CNST: variants seen among roughly 807,000 people sequenced by gnomAD.
CNST encodes consortin.
A neutral mutation model predicts 72.4 loss-of-function variants in CNST; 39 were observed. The ratio of observed to expected loss-of-function variants is 0.54; its 90% CI spans 0.42 to 0.70. CNST has a LOEUF of 0.70. Ranked by LOEUF, CNST falls within the 30% of genes least tolerant of loss-of-function variation. CNST has a pLI of 0.00. For missense variants in CNST, 871 were observed against 868.5 expected (o/e 1.00, Z -0.04); for synonymous variants, 332 against 320.1 (o/e 1.04, Z -0.40).
chr1:246,592,133 A>G (rs916988699), intron 2 of CNST, among the ~76,000 whole-genome samples, 192 bp downstream of exon 2: 4 of 152,136 alleles, frequency 2.6e-5, no homozygotes, highest in African/African-American at 9.7e-5. Flanking sequence ...GTTCCACCGT[A>G]TGGGTGTAAC....
At chr1:246,640,001 G>A (rs1665578177) in intron 6 of CNST, among the ~76,000 whole-genome samples, 1 of 152,166 alleles carries the variant, frequency 6.6e-6, no homozygotes, top group Non-Finnish European at 1.5e-5. Context: ...TTGCTGATGT[G>A]CACTTGTCGC....
intron 2 of CNST, among the ~76,000 whole-genome samples, chr1:246,614,638 A>C (rs1402311426): frequency 6.6e-6 from 1 of 151,818 alleles, no homozygotes; most frequent in Non-Finnish European, 1.5e-5. Flanking sequence ...CGCCCAGCTA[A>C]TTTTTGTATT....
intron 6 of CNST, among the ~76,000 whole-genome samples, chr1:246,636,469 A>C (rs1665251959): frequency 6.6e-6 from 1 of 152,168 alleles, no homozygotes; most frequent in Non-Finnish European, 1.5e-5. Flanking sequence ...ATTCGTGGTA[A>C]GCGCGATGCC....
chr1:246,615,471 G>T (rs373308967), intron 2 of CNST, among the ~76,000 whole-genome samples: 1 of 151,254 alleles, frequency 6.6e-6, no homozygotes, highest in East Asian at 2.0e-4. Context: ...CACTGTGCCC[G>T]GCCACAAATA....
At chr1:246,652,837 T>C (rs1173529087) in intron 9 of CNST, among the ~76,000 whole-genome samples, 2 of 150,350 alleles carry the variant, frequency 1.3e-5, no homozygotes, top group Non-Finnish European at 3.0e-5. Flanking sequence ...ACCCCGTCTC[T>C]ACTAAAAATA....
intron 9 of CNST, 165 bp downstream of exon 9, chr1:246,648,202 A>G (rs891842718): frequency 2.1e-6 from 3 of 1,403,866 alleles, no homozygotes; most frequent in Admixed American, 6.1e-5. Flanking sequence ...ATTTGTATGT[A>G]TTGAATAAAA....
chr1:246,592,572 C>T (rs1293191710), intron 2 of CNST, among the ~76,000 whole-genome samples: 2 of 152,218 alleles, frequency 1.3e-5, no homozygotes, highest in African/African-American at 4.8e-5. Flanking sequence ...GCAGCCTCCT[C>T]TCCCTCCTTT....
At position 246,621,478 on chromosome 1, in the gene CNST, C is replaced by T. The variant is rs144280030; in HGVS notation, c.429C>T (p.Ser143=). 108 of 1,613,988 alleles carry T rather than the reference C, an allele frequency of 6.7e-5. 2 individuals are homozygous for T. Among genetic ancestry groups the T allele is most frequent in the South Asian group, 5.3e-4 (48 of 91,092 alleles). ...CTTTAATGCAAGAAAAAGTACTAAG[C>T]GCAGTCACATATGCTGTTGATGATG... ...IAPLMQEKVL[S]AVTYAVDDEE... Residue 143 remains serine, a synonymous_variant, in exon 3 of 11, where the codon AGC becomes AGT. Transcript: ENST00000366513.
chr1:246,597,331 G>A (rs1661956754), intron 2 of CNST, among the ~76,000 whole-genome samples: 1 of 152,148 alleles, frequency 6.6e-6, no homozygotes, highest in Non-Finnish European at 1.5e-5. Context: ...TTTAATTCCA[G>A]AACATTTTAT....
chr1:246,647,986 T>C lies in CNST; in HGVS notation c.1785T>C (p.Asp595=), dbSNP rs1371273084. ...GTCTCCAGGAGAATCTGCCTTCTGA[T>C]GAGAGCTGTCTTTCTCTTGATGATC... The part of the protein sequence containing the change: ...SYSLQENLPS[D]ESCLSLDDLA... The change falls in exon 9 of 11, where the codon GAT becomes GAC. Residue 595 remains aspartate, a synonymous_variant. Transcript: ENST00000366513. 3.1e-6 allele frequency: 5 copies of C among 1,613,658 alleles called. No homozygotes were observed. In the East Asian group the frequency reaches 8.9e-5, roughly 29 times the overall value.
intron 8 of CNST, among the ~76,000 whole-genome samples, chr1:246,645,480 T>C (rs952325993): frequency 2.8e-5 from 4 of 141,628 alleles, no homozygotes; most frequent in Non-Finnish European, 6.0e-5. Flanking sequence ...CAGGCTGGAG[T>C]GCAGTGGCGC....
In CNST at chr1:246,619,876, G is replaced by A. The variant is rs552702151; in HGVS notation, c.380-1553G>A. On this transcript the variant is annotated intron_variant, in intron 2 of 10. Coordinates refer to ENST00000366513, the MANE Select transcript of CNST (RefSeq NM_152609.3). Reference sequence around the variant, plus strand: ...TGGTGCATACACACGATGGGCTCTGGGCACACTCTACAGGGAGGACGGCTT... The same window carrying A: ...TGGTGCATACACACGATGGGCTCTGAGCACACTCTACAGGGAGGACGGCTT... Among the ~76,000 whole-genome samples, 437 of 149,868 alleles carry A rather than the reference G, an allele frequency of 2.9e-3. 4 individuals are homozygous for A. The highest frequency in any genetic ancestry group is 0.01 in the African/African-American group (410 of 40,678).
Position 246,621,529 on chromosome 1 carries a change from T to C in CNST, c.480T>C (p.Asn160=). ...DDEEAAEVNA[N]EQPEAPKLVL... is the part of the protein sequence containing the mutation. Reference sequence around the variant, plus strand: ...AAGAAGCTGCTGAAGTAAATGCTAATGAGCAGCCAGAGGCGCCAAAGCTTG... The same window carrying C: ...AAGAAGCTGCTGAAGTAAATGCTAACGAGCAGCCAGAGGCGCCAAAGCTTG... Residue 160 remains asparagine (N), a synonymous_variant, in exon 3 of 11, where the codon AAT becomes AAC. Transcript: ENST00000366513. 1 of 1,614,228 alleles carries C rather than the reference T, an allele frequency of 6.2e-7. No individual in the cohort carries two copies. Among genetic ancestry groups the C allele is most frequent in the South Asian group, 1.1e-5 (1 of 91,088 alleles).
chr1:246,621,532 G>A lies in CNST; in HGVS notation c.483G>A (p.Glu161=), dbSNP rs1474371728. The change falls in exon 3 of 11, where the codon GAG becomes GAA. Residue 161 remains glutamate, a synonymous_variant. Transcript: ENST00000366513. ...AAGCTGCTGAAGTAAATGCTAATGA[G>A]CAGCCAGAGGCGCCAAAGCTTGTTC... ...DEEAAEVNAN[E]QPEAPKLVLQ... is the part of the protein sequence containing the mutation. 1 of 1,614,134 alleles carries A rather than the reference G, an allele frequency of 6.2e-7. No homozygotes were observed. Among genetic ancestry groups the A allele is most frequent in the East Asian group, 2.2e-5 (1 of 44,880 alleles).
At chr1:246,583,400 C>T (rs1279133767) in intron 1 of CNST, among the ~76,000 whole-genome samples, 1 of 152,218 alleles carries the variant, frequency 6.6e-6, no homozygotes, top group East Asian at 1.9e-4. Context: ...TGATCACATT[C>T]TTCTTTGTAG....
At chr1:246,625,996 T>C (rs1462284095) in intron 3 of CNST, among the ~76,000 whole-genome samples, 2 of 152,146 alleles carry the variant, frequency 1.3e-5, no homozygotes, top group Non-Finnish European at 2.9e-5. Context: ...GGAGCTCTTT[T>C]CTTGGCTTTT....
rs954435105 is a variant in CNST, at chr1:246,569,818, G to A, written c.-52+3155G>A. The stretch of plus-strand genomic sequence containing the variant: ...GAATAGTGTTCAGTCATTTCCTGGC[G>A]TGTCATTGTTACTAGTTATTTACAT... On this transcript the variant is annotated intron_variant, in intron 1 of 10. Coordinates refer to ENST00000366513, the MANE Select transcript of CNST (RefSeq NM_152609.3). The A allele has an allele frequency of 4.6e-5, 12 of 261,196 alleles. 1 individual carries two copies. In the South Asian group the frequency reaches 1.2e-3, roughly 25 times the overall value. The allele number at this position is 261,196 out of a possible 1,614,324, so 16.2% of individuals were successfully genotyped here.
At chr1:246,612,381 T>C (rs1325920530) in intron 2 of CNST, among the ~76,000 whole-genome samples, 3 of 152,070 alleles carry the variant, frequency 2.0e-5, no homozygotes, top group African/African-American at 7.2e-5. Flanking sequence ...TTTTGTACTT[T>C]TAGTAGAGAC....
chr1:246,657,896 G>A (rs1666856194), intron 9 of CNST, among the ~76,000 whole-genome samples: 1 of 152,114 alleles, frequency 6.6e-6, no homozygotes, highest in South Asian at 2.1e-4. Flanking sequence ...TATAGATGCA[G>A]AATTCATATC....
Sources: allele counts gnomAD v4.1 joint callset (sites outside exome capture counted in the v4.1 genomes callset), GRCh38; gene constraint gnomAD v4.1.1; transcripts MANE v1.5; gene names NCBI Gene and HGNC (gene_info 2026-07-23, HGNC 2026-07-21).